The following MACROD2 variants were observed in gnomAD, a reference collection of about 807,000 sequenced individuals.
MACROD2 encodes the protein mono-ADP ribosylhydrolase 2.
MACROD2 carries 36 observed loss-of-function variants against 70.4 expected under a neutral mutation model. The ratio of observed to expected loss-of-function variants is 0.51; its 90% CI spans 0.39 to 0.68. MACROD2 has a LOEUF of 0.68. Ranked by LOEUF, MACROD2 falls within the 30% of genes least tolerant of loss-of-function variation. The pLI, the probability that MACROD2 is intolerant of heterozygous loss-of-function variation, is 0.00. For synonymous variants in MACROD2, 172 were observed against 178.8 expected, an observed-to-expected ratio of 0.96 and a Z score of 0.30; for missense variants, 496 against 538.4, an observed-to-expected ratio of 0.92 and a Z score of 0.78.
At chr20:15,148,446 TTA>T (rs1183625163) in intron 5 of MACROD2, among the ~76,000 whole-genome samples, 1 of 152,002 alleles carries the variant, frequency 6.6e-6, no homozygotes, top group Non-Finnish European at 1.5e-5. Flanking sequence ...CAAAGATTAT[TTA>T]TTTACTTTAA....
chr20:15,946,627 C>G (rs533736860), intron 12 of MACROD2, among the ~76,000 whole-genome samples: 2 of 152,146 alleles, frequency 1.3e-5, no homozygotes, highest in Non-Finnish European at 2.9e-5. Context: ...AGAGTAGGTA[C>G]AAAATCTCAT....
intron 10 of MACROD2, among the ~76,000 whole-genome samples, chr20:15,931,445 C>A (rs938253074): frequency 2.6e-4 from 40 of 151,938 alleles, no homozygotes; most frequent in Non-Finnish European, 4.4e-5. Context: ...AGTTCAAAAC[C>A]AGCCTAGGCA....
At chr20:14,885,580 T>C (rs965248158) in intron 5 of MACROD2, among the ~76,000 whole-genome samples, 1 of 152,184 alleles carries the variant, frequency 6.6e-6, no homozygotes. Flanking sequence ...CCTCTATTGC[T>C]GTAAGAGTAA....
chr20:14,381,175 T>TA (rs55860027), intron 3 of MACROD2, among the ~76,000 whole-genome samples: 9 of 152,152 alleles, frequency 5.9e-5, no homozygotes, highest in African/African-American at 7.2e-5. Context: ...TTTTGCCTTT[T>TA]AAAAAAATCT....
rs1388842581 is a variant in MACROD2, at chr20:14,230,669, C to CCATATATATATATATATA, written c.271+144941_271+144942insCATATATATATATATATA. The stretch of plus-strand genomic sequence containing the variant: ...TATATATATATAACACAGGCTGGGC[C>CCATATATATATATATATA]TATATATATATATATATATATATAT... On this transcript the variant is annotated intron_variant, in intron 3 of 17. Transcript: ENST00000684519. 8.5e-4 allele frequency among the ~76,000 whole-genome samples: 79 copies of CCATATATATATATATATA among 92,914 alleles called. 4 individuals carry two copies. The highest frequency in any genetic ancestry group is 2.7e-3 in the East Asian group (6 of 2,222). 61.0% of individuals were successfully genotyped at this position (92,914 alleles called of 152,430 possible).
intron 15 of MACROD2, among the ~76,000 whole-genome samples, chr20:16,037,941 T>C (rs576182821): frequency 1.3e-5 from 2 of 152,102 alleles, no homozygotes; most frequent in East Asian, 3.9e-4. Context: ...TTATTTCTTT[T>C]TGAGGGTAGG....
intron 3 of MACROD2, among the ~76,000 whole-genome samples, chr20:14,368,068 A>G (rs1210283290): frequency 6.6e-6 from 1 of 152,176 alleles, no homozygotes; most frequent in Non-Finnish European, 1.5e-5. Flanking sequence ...CTTTACTGAT[A>G]TTCTCTACTT....
At chr20:14,636,199 G>T (rs1984777631) in intron 4 of MACROD2, among the ~76,000 whole-genome samples, 1 of 151,948 alleles carries the variant, frequency 6.6e-6, no homozygotes, top group African/African-American at 2.4e-5. Context: ...TAGGAGTTTA[G>T]CTTCATTTCA....
chr20:14,452,222 T>C (rs2084252875), intron 3 of MACROD2, among the ~76,000 whole-genome samples: 1 of 152,122 alleles, frequency 6.6e-6, no homozygotes, highest in South Asian at 2.1e-4. Context: ...AATTTTTTTC[T>C]TTATTCTAAT....
intron 5 of MACROD2, among the ~76,000 whole-genome samples, chr20:14,719,248 A>G (rs777921683): frequency 6.6e-5 from 10 of 152,084 alleles, no homozygotes; most frequent in Non-Finnish European, 1.2e-4. Context: ...AAAAATACAA[A>G]TAGTCATTTT....
chr20:14,980,375 G>T (rs985651021), intron 5 of MACROD2, among the ~76,000 whole-genome samples: 3 of 152,054 alleles, frequency 2.0e-5, no homozygotes, highest in African/African-American at 7.2e-5. Flanking sequence ...TTGGAACTCT[G>T]CAGAAACTCC....
chr20:14,079,701 C>T (rs2053964334), intron 2 of MACROD2, among the ~76,000 whole-genome samples: 2 of 152,170 alleles, frequency 1.3e-5, no homozygotes, highest in Admixed American at 1.3e-4. Flanking sequence ...ATAACCAAGG[C>T]TTTGACTGGA....
Position 15,580,488 on chromosome 20 carries a change from C to A in MACROD2, c.645+80641C>A, listed in dbSNP as rs183342628. 2.6e-5 allele frequency among the ~76,000 whole-genome samples: 4 copies of A among 152,290 alleles called. No homozygotes were observed. The East Asian group carries it at 7.7e-4, about 29-fold the overall frequency. On this transcript the variant is annotated intron_variant, in intron 8 of 17. Coordinates refer to ENST00000684519, the MANE Select transcript of MACROD2 (RefSeq NM_001351661.2). ...TATGTTAATGGTCTCCACTTGCTCTCCTCCCCTTCTCTCCTCAGTCTAGTC... is the reference window on the plus strand; with the variant it reads ...TATGTTAATGGTCTCCACTTGCTCTACTCCCCTTCTCTCCTCAGTCTAGTC...
intron 3 of MACROD2, among the ~76,000 whole-genome samples, chr20:14,185,974 T>G (rs2081340951): frequency 6.6e-6 from 1 of 152,120 alleles, no homozygotes; most frequent in Non-Finnish European, 1.5e-5. Flanking sequence ...GCTTTCAGAG[T>G]GTATCCCAAT....
intron 5 of MACROD2, among the ~76,000 whole-genome samples, chr20:15,038,528 A>G (rs1484205600): frequency 1.3e-5 from 2 of 152,224 alleles, no homozygotes; most frequent in African/African-American, 2.4e-5. Context: ...TATAAAATAT[A>G]GGATGAATCT....
intron 8 of MACROD2, among the ~76,000 whole-genome samples, chr20:15,549,512 A>T (rs1239103189): frequency 6.6e-6 from 1 of 152,252 alleles, no homozygotes; most frequent in Non-Finnish European, 1.5e-5. Context: ...CCAAATGTAT[A>T]CATCTCTTGA....
rs577647433 is a variant in MACROD2, at chr20:15,000,349, C to T, written c.419-229591C>T. ...TCATCAAGAGGTAGAAACGGCCGGG[C>T]GCGGTGGCTCACGCCTGTAGTCCCA... On this transcript the variant is annotated intron_variant, in intron 5 of 17. Coordinates refer to ENST00000684519, the MANE Select transcript of MACROD2 (RefSeq NM_001351661.2). 8.4e-5 allele frequency among the ~76,000 whole-genome samples: 11 copies of T among 130,762 alleles called. 1 individual carries two copies. Among genetic ancestry groups the T allele is most frequent in the Admixed American group, 5.3e-4 (7 of 13,200 alleles). 85.8% of individuals were successfully genotyped at this position (130,762 alleles called of 152,430 possible). A position where few individuals can be genotyped will look rare whatever the true frequency, so the allele number is the denominator to read the frequency against.
chr20:14,944,481 C>T (rs2074414155), intron 5 of MACROD2, among the ~76,000 whole-genome samples: 1 of 152,166 alleles, frequency 6.6e-6, no homozygotes. Flanking sequence ...TAACTTTTCT[C>T]ATCCGGTACT....
At chr20:15,856,596 T>G (rs1488806661) in intron 8 of MACROD2, among the ~76,000 whole-genome samples, 1 of 152,202 alleles carries the variant, frequency 6.6e-6, no homozygotes, top group Non-Finnish European at 1.5e-5. Flanking sequence ...ACATATACTC[T>G]GTGGATATTT....
Sources: gnomAD v4.1 joint callset for allele counts (sites outside exome capture counted in the v4.1 genomes callset) on GRCh38, gnomAD v4.1.1 for gene constraint, MANE v1.5 for transcripts, NCBI Gene and HGNC (gene_info 2026-07-23, HGNC 2026-07-21) for gene names.